ALDH1L1: variants seen among roughly 807,000 people sequenced by gnomAD.
The protein encoded by ALDH1L1 is aldehyde dehydrogenase 1 family member L1.
Under a neutral mutation model 101.1 loss-of-function variants are expected in ALDH1L1, and 68 were observed. The observed-to-expected ratio is 0.67, with a 90% CI of 0.55 to 0.82. ALDH1L1 has a LOEUF of 0.82. Among genes scored for constraint, ALDH1L1 ranks in the 40% least tolerant of loss-of-function variants. The pLI, the probability that ALDH1L1 is intolerant of heterozygous loss-of-function variation, is 0.00. For synonymous variants in ALDH1L1, 486 were observed against 470.8 expected (o/e 1.03, Z -0.42); for missense variants, 1,087 against 1,172.7 (o/e 0.93, Z 1.07).
chr3:126,193,539 T>G (rs970600472), intron 1 of ALDH1L1, among the ~76,000 whole-genome samples: 7 of 152,226 alleles, frequency 4.6e-5, no homozygotes, highest in Non-Finnish European at 8.8e-5. Flanking sequence ...ACCATCATTT[T>G]GGGTTTCTGG....
At chr3:126,187,369 G>A (rs1291239070) in intron 1 of ALDH1L1, among the ~76,000 whole-genome samples, 1 of 152,136 alleles carries the variant, frequency 6.6e-6, no homozygotes, top group Non-Finnish European at 1.5e-5. Context: ...TAGCTAGATG[G>A]ACGGTGGGGT....
At chr3:126,106,596 A>G (rs748048598) in intron 21 of ALDH1L1, among the ~76,000 whole-genome samples, 16 of 152,064 alleles carry the variant, frequency 1.1e-4, no homozygotes, top group Admixed American at 7.9e-4. Context: ...GATTATAAAG[A>G]GCCTTTTGGC....
chr3:126,174,667 A>C (rs757425357), intron 1 of ALDH1L1, among the ~76,000 whole-genome samples: 11 of 152,214 alleles, frequency 7.2e-5, no homozygotes, highest in Non-Finnish European at 1.3e-4. Flanking sequence ...AAATCAAAGA[A>C]TAACTCTCAA....
intron 12 of ALDH1L1, among the ~76,000 whole-genome samples, chr3:126,134,448 G>A (rs751503163): frequency 1.3e-5 from 2 of 152,196 alleles, no homozygotes; most frequent in Non-Finnish European, 2.9e-5. Context: ...TTGTTTCACA[G>A]CTCTTCCTGA....
chr3:126,129,396 T>G (rs999708484), intron 14 of ALDH1L1: 1 of 152,438 alleles, frequency 6.6e-6, no homozygotes, highest in African/African-American at 2.4e-5. Flanking sequence ...TGGGAATGAC[T>G]GTGGTGCTCA....
intron 1 of ALDH1L1, among the ~76,000 whole-genome samples, chr3:126,170,924 GC>G (rs1263085158): frequency 1.3e-5 from 2 of 152,150 alleles, no homozygotes; most frequent in African/African-American, 4.8e-5. Flanking sequence ...CATACGATGG[GC>G]CCCAGTAAAA....
chr3:126,124,913 C>T (rs1324905845), intron 15 of ALDH1L1, among the ~76,000 whole-genome samples: 1 of 152,212 alleles, frequency 6.6e-6, no homozygotes, highest in Non-Finnish European at 1.5e-5. Flanking sequence ...TTCATTACAT[C>T]AATGCCCTTG....
intron 13 of ALDH1L1, among the ~76,000 whole-genome samples, chr3:126,130,838 C>T (rs2080286246): frequency 6.6e-6 from 1 of 152,230 alleles, no homozygotes; most frequent in African/African-American, 2.4e-5. Flanking sequence ...CAACTGATGG[C>T]GGGAGCCTGA....
At chr3:126,182,628 A>G (rs556570296), upstream of ALDH1L1, among the ~76,000 whole-genome samples, 1 of 152,300 alleles carries the variant, frequency 6.6e-6, no homozygotes, top group South Asian at 2.1e-4. Context: ...GGGGCCTGCA[A>G]TGGGAAAGTG....
Position 126,158,398 on chromosome 3 carries a change from A to T in ALDH1L1, c.362+7T>A. 1 of 1,572,676 alleles carries T rather than the reference A, an allele frequency of 6.4e-7. No individual in the cohort carries two copies. Among genetic ancestry groups the T allele is most frequent in the South Asian group, 1.1e-5 (1 of 87,270 alleles). On this transcript the variant is annotated splice_region_variant and intron_variant, in intron 3 of 22. Coordinates refer to ENST00000393434, the MANE Select transcript of ALDH1L1 (RefSeq NM_012190.4). ...GGATGGCCCCCTGTGTTTTTGCCCC[A>T]TCTCACCAGTTGATGGCCGAGGCCC... is the stretch of plus-strand genomic sequence containing the variant.
rs112419863 is a variant in ALDH1L1, at chr3:126,194,395, A to T, written c.-24+3340T>A. On this transcript the variant is annotated intron_variant, in intron 1 of 2. Coordinates refer to the ALDH1L1 transcript ENST00000509952. Reference sequence around the variant, plus strand: ...TGTAGCATCCCAAAGTTAAGGTCAGAAAAGACTATTTTGAAGCTGAAATTT... The same window carrying T: ...TGTAGCATCCCAAAGTTAAGGTCAGTAAAGACTATTTTGAAGCTGAAATTT... 3.7e-3 allele frequency among the ~76,000 whole-genome samples: 564 copies of T among 152,322 alleles called. 2 individuals carry two copies. Among genetic ancestry groups the T allele is most frequent in the African/African-American group, 0.012 (519 of 41,562 alleles).
chr3:126,160,320 T>C (rs2081016016), intron 2 of ALDH1L1: 1 of 152,936 alleles, frequency 6.5e-6, no homozygotes, highest in South Asian at 2.1e-4. Flanking sequence ...TTACCACAAA[T>C]TATGAAGTCG....
intron 1 of ALDH1L1, among the ~76,000 whole-genome samples, chr3:126,192,382 CT>C (rs757164092): frequency 3.4e-4 from 52 of 152,284 alleles, no homozygotes; most frequent in Middle Eastern, 6.8e-3. Flanking sequence ...TCGGTTTAGA[CT>C]TTTATAGGTA....
At chr3:126,152,445 C>T (rs2080823579) in intron 7 of ALDH1L1, 1 of 152,260 alleles carries the variant, frequency 6.6e-6, no homozygotes, top group South Asian at 2.1e-4. Context: ...ATATATCAAT[C>T]TTGGATACCC....
At chr3:126,155,716 G>A in intron 4 of ALDH1L1, 1 of 490,704 alleles carries the variant, frequency 2.0e-6, no homozygotes, top group Non-Finnish European at 3.6e-6. Context: ...TCTCTACCTG[G>A]CAAAGGTTTA....
chr3:126,164,868 A>G (rs927377459), intron 1 of ALDH1L1, among the ~76,000 whole-genome samples: 6 of 152,182 alleles, frequency 3.9e-5, no homozygotes, highest in Non-Finnish European at 7.4e-5. Context: ...TGTTTTCTCT[A>G]TAGCCTCACC....
chr3:126,179,938 A>T (rs2081440673), intron 1 of ALDH1L1: 1 of 152,180 alleles, frequency 6.6e-6, no homozygotes, highest in African/African-American at 2.4e-5. Context: ...CTGGGACTCC[A>T]GCGCAGCCCC....
intron 4 of ALDH1L1, chr3:126,156,048 C>T: frequency 6.5e-6 from 1 of 152,726 alleles, no homozygotes; most frequent in East Asian, 1.9e-4. Flanking sequence ...TGGGAAGTGA[C>T]CGGGTGTCAG....
At chr3:126,188,291 T>C (rs2081532889) in intron 1 of ALDH1L1, among the ~76,000 whole-genome samples, 1 of 152,218 alleles carries the variant, frequency 6.6e-6, no homozygotes, top group African/African-American at 2.4e-5. Context: ...ATACAGCATT[T>C]GTGGAATGTG....
Sources: allele counts gnomAD v4.1 joint callset (sites outside exome capture counted in the v4.1 genomes callset), GRCh38; gene constraint gnomAD v4.1.1; transcripts MANE v1.5; gene names NCBI Gene and HGNC (gene_info 2026-07-23, HGNC 2026-07-21).